Variants in PDGFC observed in about 807,000 individuals in gnomAD.
The protein encoded by PDGFC is platelet derived growth factor C.
A neutral mutation model predicts 35.5 loss-of-function variants in PDGFC; 12 were observed. The observed-to-expected ratio is 0.34, with a 90% confidence interval of 0.22 to 0.55. PDGFC has a LOEUF of 0.55. Ranked by LOEUF, PDGFC falls within the 20% of genes least tolerant of loss-of-function variation. PDGFC has a pLI of 0.91. For synonymous variants in PDGFC, 159 were observed against 148.8 expected (o/e 1.07, Z -0.50); for missense variants, 322 against 412.4 (o/e 0.78, Z 1.90).
At chr4:156,772,261 G>A (rs1730711243) in intron 4 of PDGFC, among the ~76,000 whole-genome samples, 1 of 152,124 alleles carries the variant, frequency 6.6e-6, no homozygotes, top group Non-Finnish European at 1.5e-5. Context: ...ACCCATGGGA[G>A]ATACTGTAGA....
At chr4:156,894,295 T>C (rs951900571) in intron 1 of PDGFC, among the ~76,000 whole-genome samples, 1 of 152,204 alleles carries the variant, frequency 6.6e-6, no homozygotes, top group Admixed American at 6.5e-5. Context: ...ATACATAATG[T>C]AGGATTTTAT....
chr4:156,956,713 T>C (rs1380980739), intron 1 of PDGFC, among the ~76,000 whole-genome samples: 1 of 152,088 alleles, frequency 6.6e-6, no homozygotes, highest in Non-Finnish European at 1.5e-5. Context: ...TGTTAATATG[T>C]ACTTATTAGC....
At chr4:156,967,630 G>C (rs572526963) in intron 1 of PDGFC, 5 of 152,284 alleles carry the variant, frequency 3.3e-5, no homozygotes, top group Admixed American at 3.3e-4. Context: ...ACATCTCTTT[G>C]TGCTGTATGC....
intron 4 of PDGFC, among the ~76,000 whole-genome samples, 191 bp downstream of exon 4, chr4:156,772,495 G>C (rs1384158378): frequency 6.6e-6 from 1 of 151,838 alleles, no homozygotes; most frequent in Non-Finnish European, 1.5e-5. Context: ...ACACCCACTG[G>C]GTTATAACTA....
chr4:156,964,901 G>A (rs1006648578), intron 1 of PDGFC, among the ~76,000 whole-genome samples: 1 of 152,104 alleles, frequency 6.6e-6, no homozygotes, highest in African/African-American at 2.4e-5. Flanking sequence ...GTAAAATATA[G>A]AAAGTACACA....
At position 156,794,834 on chromosome 4, in the gene PDGFC, G is replaced by GAT. The variant is rs565442023; in HGVS notation, c.495+16001_495+16002dup. Among the ~76,000 whole-genome samples, 10 of 152,072 alleles carry GAT rather than the reference G, an allele frequency of 6.6e-5. No individual in the cohort carries two copies. In the East Asian group the frequency reaches 1.5e-3, roughly 24 times the overall value. ...TGTCAAGCATATTACTAGCTACTTG[G>GAT]ATATATATATACCAAGACACGTTAC... is the stretch of plus-strand genomic sequence containing the variant. On this transcript the variant is annotated intron_variant, in intron 3 of 5. Transcript: ENST00000502773.
At position 156,934,996 on chromosome 4, in the gene PDGFC, G is replaced by GA. The variant is rs1731642208; in HGVS notation, c.118+35789_118+35790insT. ...CTTACAGTTAACGTTTTTTTGTTTTGTTTTGTTTGTTTGTTTTTCAGATGG... is the reference window on the plus strand; with the variant it reads ...CTTACAGTTAACGTTTTTTTGTTTTGATTTTGTTTGTTTGTTTTTCAGATGG... On this transcript the variant is annotated intron_variant, in intron 1 of 5. Coordinates refer to ENST00000502773, the MANE Select transcript of PDGFC (RefSeq NM_016205.3). Among the ~76,000 whole-genome samples the GA allele has an allele frequency of 2.0e-5, 3 of 151,880 alleles. No homozygotes were observed. The South Asian group carries it at 6.2e-4, about 32-fold the overall frequency.
chr4:156,877,539 A>C (rs1730143835), intron 1 of PDGFC, among the ~76,000 whole-genome samples: 1 of 152,194 alleles, frequency 6.6e-6, no homozygotes, highest in Non-Finnish European at 1.5e-5. Flanking sequence ...CAAGCAAAAA[A>C]TGTTAGTATA....
rs192613506 is a variant in PDGFC, at chr4:156,942,919, A to G, written c.118+27867T>C. ...GTAATATGTGTTAGACAGATACCAT[A>G]CAGATCTCAGATTATCCCTCTCGGC... On this transcript the variant is annotated intron_variant, in intron 1 of 5. Coordinates refer to ENST00000502773, the MANE Select transcript of PDGFC (RefSeq NM_016205.3). Among the ~76,000 whole-genome samples, 387 of 152,140 alleles carry G rather than the reference A, an allele frequency of 2.5e-3. 4 individuals carry two copies. Among genetic ancestry groups the G allele is most frequent in the Non-Finnish European group, 4.4e-3 (296 of 67,994 alleles).
At chr4:156,954,359 A>G (rs1374708510) in intron 1 of PDGFC, among the ~76,000 whole-genome samples, 1 of 152,018 alleles carries the variant, frequency 6.6e-6, no homozygotes, top group Non-Finnish European at 1.5e-5. Context: ...GACTTTTTCA[A>G]GATTTTTGCC....
intron 1 of PDGFC, among the ~76,000 whole-genome samples, chr4:156,874,207 T>G (rs1001752398): frequency 6.6e-6 from 1 of 152,212 alleles, no homozygotes; most frequent in Non-Finnish European, 1.5e-5. Flanking sequence ...ATGTCACAGA[T>G]GATAACATAT....
intron 1 of PDGFC, among the ~76,000 whole-genome samples, chr4:156,862,092 T>C (rs550717245): frequency 2.0e-5 from 3 of 152,182 alleles, no homozygotes; most frequent in Non-Finnish European, 4.4e-5. Flanking sequence ...CATTTGCTAG[T>C]GTAAAAATTG....
intron 1 of PDGFC, among the ~76,000 whole-genome samples, chr4:156,857,695 A>G (rs1024535639): frequency 1.3e-5 from 2 of 152,126 alleles, no homozygotes; most frequent in Non-Finnish European, 2.9e-5. Flanking sequence ...AACTGACCCT[A>G]GCCAGAAGTA....
chr4:156,933,092 T>C (rs967500359), intron 1 of PDGFC, among the ~76,000 whole-genome samples: 3 of 151,596 alleles, frequency 2.0e-5, no homozygotes, highest in Admixed American at 2.0e-4. Context: ...CGGGGTTGCC[T>C]CACCTGTACA....
chr4:156,907,322 A>C (rs78826464), intron 1 of PDGFC, among the ~76,000 whole-genome samples: 5,072 of 152,290 alleles, frequency 0.033, 109 homozygotes, highest in Admixed American at 0.074. Context: ...CATAAAACAC[A>C]CATTTGCTAA....
chr4:156,779,833 A>G (rs2110841741), intron 3 of PDGFC, among the ~76,000 whole-genome samples: 1 of 152,302 alleles, frequency 6.6e-6, no homozygotes, highest in East Asian at 1.9e-4. Flanking sequence ...ACACCTTCTC[A>G]CCTAAAGCAC....
At chr4:156,856,722 T>G (rs1355915609) in intron 1 of PDGFC, among the ~76,000 whole-genome samples, 2 of 152,090 alleles carry the variant, frequency 1.3e-5, no homozygotes, top group Non-Finnish European at 2.9e-5. Context: ...ACATATCACT[T>G]CAACAATTCA....
chr4:156,805,092 G>T (rs536144386), intron 3 of PDGFC, among the ~76,000 whole-genome samples: 2 of 151,976 alleles, frequency 1.3e-5, no homozygotes, highest in Admixed American at 6.6e-5. Context: ...CACCATGATC[G>T]TCATATGAAA....
chr4:156,902,378 CCT>C (rs1180738941), intron 1 of PDGFC, among the ~76,000 whole-genome samples: 1 of 151,972 alleles, frequency 6.6e-6, no homozygotes, highest in Non-Finnish European at 1.5e-5. Flanking sequence ...AGTTGAAGAC[CCT>C]GTTTCCTTTC....
Sources: gnomAD v4.1 joint callset for allele counts (sites outside exome capture counted in the v4.1 genomes callset) on GRCh38, gnomAD v4.1.1 for gene constraint, MANE v1.5 for transcripts, NCBI Gene and HGNC (gene_info 2026-07-23, HGNC 2026-07-21) for gene names.